Variants in IQCM observed in about 807,000 individuals in gnomAD.
The protein encoded by IQCM is IQ domain-containing protein M.
In IQCM, 45 loss-of-function variants were observed where a neutral mutation model predicts 57.6. The ratio of observed to expected loss-of-function variants is 0.78; its 90% CI spans 0.62 to 1.00. IQCM has a LOEUF of 1.00. Among genes scored for constraint, IQCM ranks in the 50% least tolerant of loss-of-function variants. The probability of loss-of-function intolerance (pLI) is 0.00; values close to 1 mark genes in which losing one functional copy is unlikely to be tolerated. For missense variants in IQCM, 468 were observed against 511.6 expected, an observed-to-expected ratio of 0.91 and a Z score of 0.82; for synonymous variants, 148 against 158.9, an observed-to-expected ratio of 0.93 and a Z score of 0.51.
intron 12 of IQCM, among the ~76,000 whole-genome samples, chr4:149,469,272 T>C (rs1739232545): frequency 6.6e-6 from 1 of 151,998 alleles, no homozygotes; most frequent in Non-Finnish European, 1.5e-5. Flanking sequence ...TGTGGAGAAG[T>C]CCTTAAATAA....
At chr4:149,672,305 C>T (rs941927834) in intron 7 of IQCM, among the ~76,000 whole-genome samples, 5 of 152,000 alleles carry the variant, frequency 3.3e-5, no homozygotes, top group Admixed American at 6.6e-5. Flanking sequence ...AGGCTTCAGA[C>T]GATCGGTAAT....
chr4:149,429,536 A>G (rs961734536), intron 13 of IQCM, among the ~76,000 whole-genome samples: 5 of 151,906 alleles, frequency 3.3e-5, no homozygotes, highest in Non-Finnish European at 1.5e-5. Flanking sequence ...TCCTAATACT[A>G]GGTAATTTGT....
At chr4:149,410,401 A>AAT (rs1319908500) in intron 13 of IQCM, among the ~76,000 whole-genome samples, 8 of 150,678 alleles carry the variant, frequency 5.3e-5, no homozygotes, top group African/African-American at 1.7e-4. Context: ...TTGTTCCACA[A>AAT]ATATATATAT....
chr4:149,733,202 T>C, intron 5 of IQCM, 42 bp downstream of exon 5: 1 of 1,226,652 alleles, frequency 8.2e-7, no homozygotes, highest in Non-Finnish European at 1.0e-6. Context: ...AATAGTTTTG[T>C]CCGTGAGTTT....
intron 13 of IQCM, among the ~76,000 whole-genome samples, chr4:149,377,313 C>T (rs116634499): frequency 0.022 from 3,312 of 152,182 alleles, 107 homozygotes; most frequent in African/African-American, 0.068. Context: ...TACTAGCTTA[C>T]GATAAACAAA....
intron 13 of IQCM, among the ~76,000 whole-genome samples, chr4:149,395,262 C>A (rs1420816763): frequency 6.6e-6 from 1 of 152,030 alleles, no homozygotes; most frequent in Non-Finnish European, 1.5e-5. Context: ...AAAAGGCTAA[C>A]CTGCCTTAGA....
At chr4:149,758,615 T>C (rs1769212810) in intron 2 of IQCM, among the ~76,000 whole-genome samples, 2 of 152,160 alleles carry the variant, frequency 1.3e-5, no homozygotes, top group Admixed American at 1.3e-4. Flanking sequence ...ATACAAAGAA[T>C]TCTCAAAACT....
chr4:149,804,228 C>A (rs1258358813), intron 2 of IQCM, among the ~76,000 whole-genome samples: 1 of 152,020 alleles, frequency 6.6e-6, no homozygotes, highest in Non-Finnish European at 1.5e-5. Context: ...CTCACCCTGA[C>A]AGAAGCACAA....
Position 149,577,454 on chromosome 4 carries a change from G to C in IQCM, c.749+10476C>G, listed in dbSNP as rs569090218. ...AGTTTTAATCTCCTACATATAGCTA[G>C]GCAATTATCCCAGCACCATTTAATG... is the stretch of plus-strand genomic sequence containing the variant. On this transcript the variant is annotated intron_variant, in intron 9 of 13. Coordinates refer to ENST00000636793, the MANE Select transcript of IQCM (RefSeq NM_001363507.2). Among the ~76,000 whole-genome samples the C allele has an allele frequency of 1.2e-3, 179 of 152,012 alleles. 1 individual carries two copies. The highest frequency in any genetic ancestry group is 4.0e-3 in the African/African-American group (164 of 41,502).
chr4:149,360,609 C>T (rs549733017), intron 13 of IQCM, among the ~76,000 whole-genome samples: 2 of 152,230 alleles, frequency 1.3e-5, no homozygotes, highest in African/African-American at 4.8e-5. Context: ...GTGCTATTCT[C>T]ATGATATTGA....
intron 8 of IQCM, among the ~76,000 whole-genome samples, chr4:149,603,050 T>C (rs1414084135): frequency 6.6e-6 from 1 of 152,096 alleles, no homozygotes; most frequent in Admixed American, 6.6e-5. Context: ...AAAGCTCTGT[T>C]CAATTGCCAA....
At chr4:149,545,068 G>A (rs1748254018) in intron 12 of IQCM, among the ~76,000 whole-genome samples, 1 of 152,056 alleles carries the variant, frequency 6.6e-6, no homozygotes, top group African/African-American at 2.4e-5. Context: ...TGGGCACAGT[G>A]GCATGTGCCT....
intron 13 of IQCM, among the ~76,000 whole-genome samples, chr4:149,395,814 T>C (rs946194081): frequency 6.6e-6 from 1 of 152,018 alleles, no homozygotes; most frequent in Non-Finnish European, 1.5e-5. Context: ...TGACTAGACA[T>C]TTTGCATCTT....
intron 13 of IQCM, among the ~76,000 whole-genome samples, chr4:149,380,167 T>A (rs1477715511): frequency 1.3e-5 from 2 of 152,050 alleles, no homozygotes; most frequent in African/African-American, 4.8e-5. Flanking sequence ...AATGGACTAA[T>A]ACAAGGCCCA....
At chr4:149,767,562 A>T (rs866811134) in intron 2 of IQCM, among the ~76,000 whole-genome samples, 2 of 152,112 alleles carry the variant, frequency 1.3e-5, no homozygotes, top group South Asian at 4.1e-4. Flanking sequence ...AGCAAATCCC[A>T]TCCATGCATG....
chr4:149,746,849 C>A (rs940711471), intron 2 of IQCM, among the ~76,000 whole-genome samples: 3 of 152,146 alleles, frequency 2.0e-5, no homozygotes, highest in Non-Finnish European at 4.4e-5. Context: ...CCCTCCTGAC[C>A]TTCTCTACTT....
chr4:149,472,127 C>G (rs1739632087), intron 12 of IQCM, among the ~76,000 whole-genome samples: 1 of 152,102 alleles, frequency 6.6e-6, no homozygotes, highest in Non-Finnish European at 1.5e-5. Flanking sequence ...CCAGGGCAAT[C>G]AGGCAAGAGA....
chr4:149,622,076 C>A (rs1311248310), intron 7 of IQCM, among the ~76,000 whole-genome samples: 2 of 152,100 alleles, frequency 1.3e-5, no homozygotes, highest in African/African-American at 4.8e-5. Context: ...GTAATAAATT[C>A]TCTCACTTCA....
At chr4:149,810,294 A>C (rs1774441461) in intron 2 of IQCM, among the ~76,000 whole-genome samples, 1 of 149,486 alleles carries the variant, frequency 6.7e-6, no homozygotes, top group Non-Finnish European at 1.5e-5. Context: ...CCCAGGATGC[A>C]GAGGTTGTGG....
Sources: allele counts gnomAD v4.1 joint callset (sites outside exome capture counted in the v4.1 genomes callset), GRCh38; gene constraint gnomAD v4.1.1; transcripts MANE v1.5; gene names NCBI Gene and HGNC (gene_info 2026-07-23, HGNC 2026-07-21).